MAGED1: variants seen among roughly 807,000 people sequenced by gnomAD.
The protein encoded by MAGED1 is melanoma-associated antigen D1.
A neutral mutation model predicts 54.1 loss-of-function variants in MAGED1; 3 were observed. The ratio of observed to expected loss-of-function variants is 0.06; its 90% confidence interval spans 0.03 to 0.14. The LOEUF is 0.14. MAGED1 is among the 10% of genes least tolerant of loss of function. The pLI is 1.00. For missense variants in MAGED1, 485 were observed against 623.4 expected, an observed-to-expected ratio of 0.78 and a Z score of 2.36; for synonymous variants, 217 against 227.3, an observed-to-expected ratio of 0.95 and a Z score of 0.41.
intron 1 of MAGED1, among the ~76,000 whole-genome samples, chrX:51,842,546 A>G (rs782377673): frequency 1.8e-5 from 2 of 111,876 alleles, no homozygotes; most frequent in South Asian, 3.8e-4. Flanking sequence ...TGGTGTTCCT[A>G]TGAGATGAGG....
intron 1 of MAGED1, among the ~76,000 whole-genome samples, chrX:51,879,543 T>A (rs1927986072): frequency 8.9e-6 from 1 of 111,776 alleles, no homozygotes; most frequent in Admixed American, 9.6e-5. Flanking sequence ...GAATTATTAT[T>A]CTTATTCTAT....
rs1557364176 is a variant in MAGED1, at chrX:51,895,769, T to A, written c.753+9T>A. 1 of 1,134,546 alleles carries A rather than the reference T, an allele frequency of 8.8e-7. No individual in the cohort carries two copies. Among genetic ancestry groups the A allele is most frequent in the African/African-American group, 1.8e-5 (1 of 55,588 alleles). The allele number at this position is 1,134,546 out of a possible 1,213,427, so 93.5% of individuals were successfully genotyped here. On this transcript the variant is annotated intron_variant, in intron 3 of 12. Transcript: ENST00000326587. ...GCAAGAGGACCCGCAAGGTGAGATC[T>A]CTGCTAACTTCATTTTGCTTTGGGG...
At chrX:51,827,583 A>G (rs1207052944) in intron 1 of MAGED1, among the ~76,000 whole-genome samples, 3 of 112,092 alleles carry the variant, frequency 2.7e-5, no homozygotes, top group Non-Finnish European at 3.8e-5. Flanking sequence ...AATTATAACA[A>G]ATATACATAC....
rs1389832006 is a variant in MAGED1, at chrX:51,901,698, C to T, written c.2105C>T (p.Ser702Phe). The change falls in exon 12 of 13, where the codon TCT (serine) becomes TTT (phenylalanine). Residue 702 changes from serine (S) to phenylalanine (F), a missense_variant. Physicochemically the swap from Ser to Phe is radical, Grantham distance 155 (BLOSUM62 -2). Coordinates refer to ENST00000326587, the MANE Select transcript of MAGED1 (RefSeq NM_006986.4). ...TRMGIGDEAV[S>F]GPWSWDDIEF... ...ATGGGAATTGGAGATGAGGCTGTGT[C>T]TGGGCCCTGGAGCTGGGATGACATT... 5.8e-6 allele frequency: 7 copies of T among 1,211,402 alleles called. No individual in the cohort carries two copies. Among genetic ancestry groups the T allele is most frequent in the Non-Finnish European group, 6.7e-6 (6 of 895,430 alleles).
At chrX:51,852,283 A>G (rs1926925140) in intron 1 of MAGED1, among the ~76,000 whole-genome samples, 1 of 111,558 alleles carries the variant, frequency 9.0e-6, no homozygotes, top group Non-Finnish European at 1.9e-5. Flanking sequence ...GCTCACCAAG[A>G]TAATCCAGGA....
intron 1 of MAGED1, among the ~76,000 whole-genome samples, chrX:51,859,937 A>AAAAG (rs200966292): frequency 0.29 from 30,653 of 107,356 alleles, 4,413 homozygotes; most frequent in Admixed American, 0.56. Flanking sequence ...TCTGTCTCAA[A>AAAAG]AAAGAAAGAA....
chrX:51,873,513 C>CTG (rs782291880), intron 1 of MAGED1, among the ~76,000 whole-genome samples: 82 of 64,927 alleles, frequency 1.3e-3, no homozygotes, highest in Middle Eastern at 0.016. Flanking sequence ...GTGTGTTAGA[C>CTG]TGTGTGTGTG....
At chrX:51,845,135 GGCAGGAGAATCGCTT>G (rs1926637065) in intron 1 of MAGED1, among the ~76,000 whole-genome samples, 1 of 111,309 alleles carries the variant, frequency 9.0e-6, no homozygotes, top group African/African-American at 3.3e-5. Flanking sequence ...AGGAGGCTGA[GGCAGGAGAATCGCTT>G]GAACGCAGGA....
chrX:51,894,530 A>G lies in MAGED1; in HGVS notation c.45+181A>G, dbSNP rs1928611275. On this transcript the variant is annotated intron_variant, in intron 2 of 12. Transcript: ENST00000326587. ...GGAGGGGCGTCTCTTTTCAGCCATC[A>G]GTCCCTGCTCAGAGAGAGGGGAGAC... 3.5e-6 allele frequency: 3 copies of G among 858,485 alleles called. No homozygotes were observed. The Admixed American group carries it at 8.7e-5, about 25-fold the overall frequency. The allele number at this position is 858,485 out of a possible 1,213,427, so 70.7% of individuals were successfully genotyped here.
At chrX:51,848,173 A>C (rs1334654817) in intron 1 of MAGED1, among the ~76,000 whole-genome samples, 1 of 111,460 alleles carries the variant, frequency 9.0e-6, no homozygotes, top group African/African-American at 3.3e-5. Context: ...TTCTTTTTTC[A>C]TCTTCTGTGA....
chrX:51,803,428 C>T (rs782749864), intron 1 of MAGED1, among the ~76,000 whole-genome samples: 3 of 109,305 alleles, frequency 2.7e-5, no homozygotes, highest in Non-Finnish European at 5.7e-5. Context: ...GCGTCATTCC[C>T]TCTACCACAG....
At chrX:51,884,842 T>C (rs1343833477) in intron 1 of MAGED1, among the ~76,000 whole-genome samples, 1 of 112,442 alleles carries the variant, frequency 8.9e-6, no homozygotes, top group African/African-American at 3.2e-5. Flanking sequence ...ATCCATTATA[T>C]CAACAGGCTA....
At chrX:51,899,974 C>T in intron 10 of MAGED1, 1 of 375,647 alleles carries the variant, frequency 2.7e-6, no homozygotes, top group Admixed American at 4.8e-5. Flanking sequence ...CTATACAAGC[C>T]TCGCCTGCAT....
At chrX:51,872,870 G>A (rs782263133) in intron 1 of MAGED1, among the ~76,000 whole-genome samples, 53 of 111,279 alleles carry the variant, frequency 4.8e-4, no homozygotes, top group Middle Eastern at 4.6e-3. Context: ...CATAAAGTTT[G>A]TGAATAACCC....
At chrX:51,897,955 A>T (rs1216728111) in intron 7 of MAGED1, 69 bp downstream of exon 7, 8 of 952,626 alleles carry the variant, frequency 8.4e-6, no homozygotes, top group African/African-American at 1.9e-5. Context: ...TTTCACGTAG[A>T]TCAGGGTCCA....
At chrX:51,853,904 C>T (rs1247843660) in intron 1 of MAGED1, among the ~76,000 whole-genome samples, 8 of 112,040 alleles carry the variant, frequency 7.1e-5, no homozygotes, top group African/African-American at 2.6e-4. Flanking sequence ...TTATAGAGGA[C>T]ACATCTGATG....
At chrX:51,892,123 CTTG>C (rs1928460219), upstream of MAGED1, among the ~76,000 whole-genome samples, 8 of 112,357 alleles carry the variant, frequency 7.1e-5, no homozygotes, top group Non-Finnish European at 1.5e-4. Flanking sequence ...AAAGATCTGT[CTTG>C]AATTTTGGAA....
upstream of MAGED1, among the ~76,000 whole-genome samples, chrX:51,893,010 A>G (rs1928504703): frequency 9.1e-6 from 1 of 110,487 alleles, no homozygotes; most frequent in African/African-American, 3.3e-5. Context: ...AAATGAGTCC[A>G]TCACCGGAGC....
intron 2 of MAGED1, chrX:51,894,749 C>T (rs782542465): frequency 2.6e-6 from 3 of 1,154,641 alleles, no homozygotes; most frequent in Admixed American, 3.0e-5. Flanking sequence ...ATCCGCCTGC[C>T]GTCCTGAGCT....
Sources: allele counts gnomAD v4.1 joint callset (sites outside exome capture counted in the v4.1 genomes callset), GRCh38; gene constraint gnomAD v4.1.1; transcripts MANE v1.5; gene names NCBI Gene and HGNC (gene_info 2026-07-23, HGNC 2026-07-21).